Variants in CPVL observed in about 807,000 individuals in gnomAD.
CPVL encodes carboxypeptidase vitellogenic like.
A neutral mutation model predicts 63.7 loss-of-function variants in CPVL; 51 were observed. The ratio of observed to expected loss-of-function variants is 0.80; its 90% CI spans 0.64 to 1.01. The LOEUF is 1.01. CPVL is among the 50% of genes least tolerant of loss of function. CPVL has a pLI of 0.00. For synonymous variants in CPVL, 195 were observed against 206.0 expected, an observed-to-expected ratio of 0.95 and a Z score of 0.46; for missense variants, 530 against 573.1, an observed-to-expected ratio of 0.92 and a Z score of 0.77.
At chr7:29,022,968 T>G (rs569173810) in intron 12 of CPVL, among the ~76,000 whole-genome samples, 1 of 152,256 alleles carries the variant, frequency 6.6e-6, no homozygotes, top group Non-Finnish European at 1.5e-5. Flanking sequence ...TCCCAGCCTG[T>G]TGCCATCACC....
At chr7:29,088,565 A>G (rs1785437788) in intron 6 of CPVL, among the ~76,000 whole-genome samples, 1 of 152,150 alleles carries the variant, frequency 6.6e-6, no homozygotes, top group Non-Finnish European at 1.5e-5. Context: ...TACATATGCC[A>G]TTTGCTCATT....
At chr7:29,101,895 T>C (rs531246029) in intron 3 of CPVL, among the ~76,000 whole-genome samples, 135 of 149,154 alleles carry the variant, frequency 9.1e-4, no homozygotes, top group African/African-American at 3.3e-3. Flanking sequence ...TATATATGCT[T>C]ATTCACTTAA....
chr7:29,139,734 A>G (rs756132939), intron 1 of CPVL, among the ~76,000 whole-genome samples: 4 of 152,174 alleles, frequency 2.6e-5, no homozygotes, highest in Non-Finnish European at 5.9e-5. Flanking sequence ...TGGAGTGTGC[A>G]GTCTGCCAGC....
At chr7:29,161,712 G>A (rs937095143) in intron 5 of CPVL, among the ~76,000 whole-genome samples, 13 of 152,220 alleles carry the variant, frequency 8.5e-5, no homozygotes, top group Admixed American at 2.0e-4. Context: ...CTTTTGCTTT[G>A]TGAAAGACCC....
intron 12 of CPVL, among the ~76,000 whole-genome samples, chr7:29,005,779 A>G (rs1785134816): frequency 6.6e-6 from 1 of 152,256 alleles, no homozygotes; most frequent in Non-Finnish European, 1.5e-5. Context: ...AAAGTAATCA[A>G]GATTTCCCAT....
At chr7:29,171,667 A>C (rs1440329104) in intron 5 of CPVL, among the ~76,000 whole-genome samples, 1 of 152,226 alleles carries the variant, frequency 6.6e-6, no homozygotes, top group Non-Finnish European at 1.5e-5. Context: ...TGAACAATTC[A>C]GAGTATAGCA....
At chr7:29,190,990 A>T (rs952525673) in intron 1 of CPVL, among the ~76,000 whole-genome samples, 2 of 151,652 alleles carry the variant, frequency 1.3e-5, no homozygotes, top group East Asian at 3.9e-4. Flanking sequence ...GCTGGGGTGC[A>T]GTGGCATCAA....
At chr7:29,156,371 C>T (rs1794373960) in intron 5 of CPVL, among the ~76,000 whole-genome samples, 1 of 152,140 alleles carries the variant, frequency 6.6e-6, no homozygotes, top group African/African-American at 2.4e-5. Context: ...ATGAAGGACA[C>T]ATTTTAATTA....
chr7:29,072,178 G>A (rs1311352347), intron 8 of CPVL, 123 bp downstream of exon 8: 3 of 1,136,432 alleles, frequency 2.6e-6, no homozygotes. Context: ...GGAGATTTAA[G>A]TCATAAAGTC....
At chr7:29,114,226 G>A (rs1291024282) in intron 2 of CPVL, among the ~76,000 whole-genome samples, 2 of 152,142 alleles carry the variant, frequency 1.3e-5, no homozygotes, top group Non-Finnish European at 2.9e-5. Flanking sequence ...GCTGTTTTGG[G>A]ACCACTAGTT....
chr7:29,101,662 C>G (rs946752268), intron 3 of CPVL, among the ~76,000 whole-genome samples: 3 of 152,070 alleles, frequency 2.0e-5, no homozygotes, highest in Admixed American at 6.5e-5. Context: ...TTATTCTTAA[C>G]TAAAGGTTTT....
intron 12 of CPVL, among the ~76,000 whole-genome samples, chr7:29,023,944 AATGTGAT>A (rs1470966433): frequency 6.6e-6 from 1 of 152,252 alleles, no homozygotes; most frequent in Non-Finnish European, 1.5e-5. Flanking sequence ...AAAGCAAGGA[AATGTGAT>A]ATGTGTAAAA....
intron 11 of CPVL, 95 bp downstream of exon 11, chr7:29,063,966 T>TA (rs373756974): frequency 0.14 from 92,819 of 681,948 alleles, 1,100 homozygotes; most frequent in Non-Finnish European, 0.15. Context: ...TCATAAAAGT[T>TA]AAAAAAAAAA....
chr7:29,035,549 G>T (rs1330831792), intron 11 of CPVL, among the ~76,000 whole-genome samples: 1 of 152,170 alleles, frequency 6.6e-6, no homozygotes. Flanking sequence ...CAGGATGTGT[G>T]TGAGGGCATT....
chr7:29,144,666 T>C (rs245870), intron 1 of CPVL, among the ~76,000 whole-genome samples: 63,229 of 152,090 alleles, frequency 0.42, 13,244 homozygotes, highest in South Asian at 0.49. Flanking sequence ...TCTCATTGCC[T>C]TAGTTCTGTG....
intron 12 of CPVL, chr7:29,011,994 T>C (rs1204202773): frequency 6.6e-6 from 1 of 152,216 alleles, no homozygotes; most frequent in African/African-American, 2.4e-5. Flanking sequence ...GAAATGCTAT[T>C]TCAGTTAGAG....
chr7:29,027,384 G>C (rs1330976303), intron 12 of CPVL, among the ~76,000 whole-genome samples: 1 of 152,060 alleles, frequency 6.6e-6, no homozygotes, highest in African/African-American at 2.4e-5. Context: ...ACTGAATAGG[G>C]AAAAGCTGAA....
intron 11 of CPVL, among the ~76,000 whole-genome samples, chr7:29,060,986 G>A (rs904099253): frequency 2.0e-5 from 3 of 152,166 alleles, no homozygotes; most frequent in East Asian, 1.9e-4. Context: ...TGCCAGCTGC[G>A]TGAGTGAACA....
At chr7:29,108,293 TA>T (rs1218855594) in intron 3 of CPVL, among the ~76,000 whole-genome samples, 1 of 152,250 alleles carries the variant, frequency 6.6e-6, no homozygotes, top group Non-Finnish European at 1.5e-5. Context: ...AGGTTTTGGC[TA>T]AATGTGTCCA....
Sources: gnomAD v4.1 joint callset for allele counts (sites outside exome capture counted in the v4.1 genomes callset) on GRCh38, gnomAD v4.1.1 for gene constraint, MANE v1.5 for transcripts, NCBI Gene and HGNC (gene_info 2026-07-23, HGNC 2026-07-21) for gene names.